Variants in ZMYND8 observed in about 807,000 individuals in gnomAD.
ZMYND8 encodes zinc finger MYND-type containing 8.
Under a neutral mutation model 140.8 loss-of-function variants are expected in ZMYND8, and 37 were observed. The observed-to-expected ratio is 0.26, with a 90% CI of 0.20 to 0.35. ZMYND8 has a LOEUF of 0.35. Ranked by LOEUF, ZMYND8 falls within the 10% of genes least tolerant of loss-of-function variation. ZMYND8 has a pLI of 1.00. For synonymous variants in ZMYND8, 592 were observed against 597.1 expected, an observed-to-expected ratio of 0.99 and a Z score of 0.12; for missense variants, 1,068 against 1,570.0, an observed-to-expected ratio of 0.68 and a Z score of 5.40.
intron 2 of ZMYND8, among the ~76,000 whole-genome samples, chr20:47,336,377 A>C (rs2081386237): frequency 6.6e-6 from 1 of 152,340 alleles, no homozygotes; most frequent in South Asian, 2.1e-4. Flanking sequence ...CAAGTCGTTC[A>C]TTCCCTTGTG....
intron 12 of ZMYND8, among the ~76,000 whole-genome samples, chr20:47,250,026 T>C (rs34021539): frequency 0.24 from 36,182 of 152,068 alleles, 4,705 homozygotes; most frequent in Non-Finnish European, 0.3. Context: ...AGCCAGTGTG[T>C]TGTGGCTCAC....
chr20:47,225,752 A>G (rs2037626792), intron 18 of ZMYND8, among the ~76,000 whole-genome samples: 1 of 151,872 alleles, frequency 6.6e-6, no homozygotes, highest in Admixed American at 6.6e-5. Flanking sequence ...TCTGTAAACC[A>G]TAGCTAAGTT....
In ZMYND8 at chr20:47,349,812, A is replaced by G. The variant is rs986626205; in HGVS notation, c.15-1886T>C. 5.1e-5 allele frequency: 78 copies of G among 1,533,994 alleles called. No individual in the cohort carries two copies. In the East Asian group the frequency reaches 5.1e-4, roughly 10 times the overall value. Reference sequence around the variant, plus strand: ...CTAATCTGTGATCCAACTGAAATCTACAGTGGTGAGGGAAACAATTATGCA... The same window carrying G: ...CTAATCTGTGATCCAACTGAAATCTGCAGTGGTGAGGGAAACAATTATGCA... On this transcript the variant is annotated intron_variant, in intron 1 of 22. Coordinates refer to ENST00000471951, the MANE Select transcript of ZMYND8 (RefSeq NM_001281775.3).
chr20:47,279,942 G>A (rs1468385250), intron 10 of ZMYND8, among the ~76,000 whole-genome samples: 1 of 151,960 alleles, frequency 6.6e-6, no homozygotes, highest in Non-Finnish European at 1.5e-5. Context: ...GGGCAACATG[G>A]CAAAACCCCA....
intron 21 of ZMYND8, among the ~76,000 whole-genome samples, chr20:47,219,523 CAA>C (rs11482247): frequency 5.9e-5 from 8 of 135,048 alleles, no homozygotes; most frequent in Admixed American, 7.5e-5. Context: ...AAGACTGTCT[CAA>C]AAAAAAAAAA....
intron 10 of ZMYND8, 150 bp downstream of exon 10, chr20:47,281,952 C>G: frequency 1.5e-6 from 1 of 682,946 alleles, no homozygotes; most frequent in East Asian, 3.0e-5. Context: ...CTTAACATAC[C>G]ACAGGAAATT....
At chr20:47,328,454 G>A (rs560555553) in intron 2 of ZMYND8, among the ~76,000 whole-genome samples, 40 of 151,988 alleles carry the variant, frequency 2.6e-4, no homozygotes, top group Admixed American at 7.9e-4. Context: ...TAACCCCTCT[G>A]CCACCCCACA....
At chr20:47,249,548 G>A (rs2073999881) in intron 12 of ZMYND8, 109 bp from the exon 13 acceptor site, 9 of 1,446,132 alleles carry the variant, frequency 6.2e-6, no homozygotes, top group Admixed American at 2.2e-5. Context: ...CATGGGGGAG[G>A]GGGAGATACT....
At chr20:47,256,150 G>A (rs1477094107) in intron 12 of ZMYND8, among the ~76,000 whole-genome samples, 2 of 151,436 alleles carry the variant, frequency 1.3e-5, no homozygotes, top group Non-Finnish European at 2.9e-5. Context: ...ACTACAAAAT[G>A]TCAGTTCCTT....
At chr20:47,289,446 C>A (rs2077120181) in intron 7 of ZMYND8, among the ~76,000 whole-genome samples, 1 of 152,104 alleles carries the variant, frequency 6.6e-6, no homozygotes, top group African/African-American at 2.4e-5. Flanking sequence ...GCTGGCAACA[C>A]CACTCCTAGG....
chr20:47,266,817 G>T (rs1033188664), intron 11 of ZMYND8, among the ~76,000 whole-genome samples: 5 of 150,914 alleles, frequency 3.3e-5, no homozygotes, highest in Non-Finnish European at 7.4e-5. Context: ...AAAGCACTCT[G>T]TGTGTGTGTG....
At chr20:47,313,624 C>CA (rs1271576239) in intron 2 of ZMYND8, among the ~76,000 whole-genome samples, 1 of 146,588 alleles carries the variant, frequency 6.8e-6, no homozygotes, top group African/African-American at 2.5e-5. Context: ...GACTCCATCT[C>CA]AAAAAAATAA....
intron 2 of ZMYND8, among the ~76,000 whole-genome samples, chr20:47,345,746 C>T (rs917519072): frequency 6.7e-6 from 1 of 148,468 alleles, no homozygotes; most frequent in African/African-American, 2.5e-5. Flanking sequence ...TGAGCTCAGA[C>T]AATCCACCCG....
intron 2 of ZMYND8, among the ~76,000 whole-genome samples, chr20:47,331,480 G>A (rs1428646103): frequency 1.3e-5 from 2 of 152,206 alleles, no homozygotes; most frequent in African/African-American, 2.4e-5. Context: ...AGGGAGGTCA[G>A]GTAGGCAGCT....
chr20:47,354,473 G>A (rs1281712119), intron 1 of ZMYND8: 1 of 152,108 alleles, frequency 6.6e-6, no homozygotes, highest in African/African-American at 2.4e-5. Flanking sequence ...TACTTGTTTG[G>A]GGCAGTGGCA....
intron 2 of ZMYND8, among the ~76,000 whole-genome samples, chr20:47,327,128 C>A (rs1381011973): frequency 6.6e-6 from 1 of 151,920 alleles, no homozygotes; most frequent in Non-Finnish European, 1.5e-5. Context: ...GGCCAGGAAA[C>A]CAGTCAGCCT....
chr20:47,310,023 C>T, intron 3 of ZMYND8, 33 bp downstream of exon 3: 1 of 1,613,886 alleles, frequency 6.2e-7, no homozygotes, highest in South Asian at 1.1e-5. Context: ...TCTGTCCCAC[C>T]AGTGAGGACA....
chr20:47,345,987 C>T (rs942403332), intron 2 of ZMYND8, among the ~76,000 whole-genome samples: 8 of 152,126 alleles, frequency 5.3e-5, no homozygotes, highest in African/African-American at 1.9e-4. Flanking sequence ...CGCATTCTGG[C>T]TGCTGAAGGG....
chr20:47,234,247 C>T (rs551658770), intron 16 of ZMYND8, among the ~76,000 whole-genome samples: 12 of 152,300 alleles, frequency 7.9e-5, no homozygotes, highest in African/African-American at 2.9e-4. Flanking sequence ...TGGGGTTTCA[C>T]GATGTTGCCC....
Sources: gnomAD v4.1 joint callset for allele counts (sites outside exome capture counted in the v4.1 genomes callset) on GRCh38, gnomAD v4.1.1 for gene constraint, MANE v1.5 for transcripts, NCBI Gene and HGNC (gene_info 2026-07-23, HGNC 2026-07-21) for gene names.